Variants in CADM2 observed in about 807,000 individuals in gnomAD.
CADM2 encodes cell adhesion molecule 2.
CADM2 carries 12 observed loss-of-function variants against 49.8 expected under a neutral mutation model. That is an observed-to-expected ratio of 0.24 (90% CI 0.15 to 0.39). The LOEUF is 0.39. CADM2 is among the 10% of genes least tolerant of loss of function. CADM2 has a pLI of 1.00. For synonymous variants in CADM2, 214 were observed against 175.4 expected (o/e 1.22, Z -1.74); for missense variants, 378 against 492.3 (o/e 0.77, Z 2.20).
At chr3:85,986,364 G>A (rs916214271) in intron 8 of CADM2, among the ~76,000 whole-genome samples, 1 of 152,080 alleles carries the variant, frequency 6.6e-6, no homozygotes, top group Non-Finnish European at 1.5e-5. Context: ...ATTTGGAGTA[G>A]TAGAATATAT....
At chr3:85,248,862 A>G (rs560145231) in intron 1 of CADM2, among the ~76,000 whole-genome samples, 1 of 152,282 alleles carries the variant, frequency 6.6e-6, no homozygotes, top group African/African-American at 2.4e-5. Flanking sequence ...TACTCAGTAA[A>G]TCAGCTTTCT....
At chr3:85,124,115 G>A (rs1051180823) in intron 1 of CADM2, among the ~76,000 whole-genome samples, 10 of 152,216 alleles carry the variant, frequency 6.6e-5, no homozygotes, top group Non-Finnish European at 1.3e-4. Flanking sequence ...CTAAGTTAGG[G>A]ATCTACTTTC....
intron 1 of CADM2, among the ~76,000 whole-genome samples, chr3:85,470,295 G>C (rs947820541): frequency 6.6e-6 from 1 of 152,144 alleles, no homozygotes; most frequent in African/African-American, 2.4e-5. Flanking sequence ...TAAGGAGTTA[G>C]CAAGCAAGGG....
chr3:85,640,391 G>A (rs937787529), intron 1 of CADM2, among the ~76,000 whole-genome samples: 3 of 152,168 alleles, frequency 2.0e-5, no homozygotes, highest in African/African-American at 7.2e-5. Context: ...TTAAAAAAAT[G>A]TGGTTTTTGA....
intron 1 of CADM2, among the ~76,000 whole-genome samples, chr3:85,598,324 G>A (rs1040008613): frequency 7.5e-6 from 1 of 133,724 alleles, no homozygotes; most frequent in African/African-American, 2.5e-5. Flanking sequence ...GAAACGTGAA[G>A]AAACCCTGAA....
intron 1 of CADM2, among the ~76,000 whole-genome samples, chr3:85,033,338 G>A (rs1487287636): frequency 6.6e-6 from 1 of 152,116 alleles, no homozygotes; most frequent in Non-Finnish European, 1.5e-5. Flanking sequence ...TTTATTTTTA[G>A]GTAGCTTCTT....
chr3:85,079,737 TGAA>T (rs1484352134), intron 1 of CADM2, among the ~76,000 whole-genome samples: 1 of 151,900 alleles, frequency 6.6e-6, no homozygotes, highest in African/African-American at 2.4e-5. Flanking sequence ...AGCAATAGCT[TGAA>T]GAATAATAGT....
At chr3:84,977,712 A>G (rs2031912762) in intron 1 of CADM2, among the ~76,000 whole-genome samples, 1 of 152,054 alleles carries the variant, frequency 6.6e-6, no homozygotes, top group Admixed American at 6.6e-5. Context: ...TTCAGATATA[A>G]AACTGGAAGA....
rs186338145 is a variant in CADM2, at chr3:85,814,534, A to C, written c.238+12338A>C. Among the ~76,000 whole-genome samples, 418 of 152,258 alleles carry C rather than the reference A, an allele frequency of 2.7e-3. 1 individual carries two copies. Among genetic ancestry groups the C allele is most frequent in the African/African-American group, 9.7e-3 (403 of 41,556 alleles). ...AGAACTAAGATCAGAGCAGAACTGA[A>C]GGAGATAGAGACACAAAAACCCTTC... is the stretch of plus-strand genomic sequence containing the variant. On this transcript the variant is annotated intron_variant, in intron 3 of 9. Transcript: ENST00000383699.
intron 1 of CADM2, among the ~76,000 whole-genome samples, chr3:85,067,430 T>A (rs775950457): frequency 6.6e-6 from 1 of 152,110 alleles, no homozygotes; most frequent in Non-Finnish European, 1.5e-5. Context: ...ATTTATTTTA[T>A]TTTTGCTTGG....
intron 2 of CADM2, among the ~76,000 whole-genome samples, chr3:85,762,321 A>G (rs139015819): frequency 2.8e-3 from 421 of 152,162 alleles, no homozygotes; most frequent in African/African-American, 9.8e-3. Flanking sequence ...CATAACTCCC[A>G]GTTTGTTTGT....
At chr3:85,427,163 T>TAC (rs2036445911) in intron 1 of CADM2, among the ~76,000 whole-genome samples, 1 of 16,142 alleles carries the variant, frequency 6.2e-5, no homozygotes, top group Non-Finnish European at 4.0e-4. Context: ...ATTGGAACTA[T>TAC]ATATATATAT....
At chr3:85,710,248 A>G (rs2067076763) in intron 1 of CADM2, among the ~76,000 whole-genome samples, 1 of 152,130 alleles carries the variant, frequency 6.6e-6, no homozygotes, top group Non-Finnish European at 1.5e-5. Context: ...GGGCCTTTGC[A>G]CTGATGCTGT....
chr3:85,493,700 A>C (rs1305217298), intron 1 of CADM2, among the ~76,000 whole-genome samples: 1 of 152,124 alleles, frequency 6.6e-6, no homozygotes, highest in Admixed American at 6.5e-5. Context: ...GGATTCTGTT[A>C]CTCACCTGTT....
At chr3:85,294,171 A>G (rs1306621097) in intron 1 of CADM2, among the ~76,000 whole-genome samples, 4 of 152,276 alleles carry the variant, frequency 2.6e-5, no homozygotes, top group East Asian at 1.9e-4. Flanking sequence ...CCAAATCATG[A>G]GTGAAATCCC....
intron 7 of CADM2, among the ~76,000 whole-genome samples, chr3:85,941,259 T>C (rs1356015589): frequency 2.0e-5 from 3 of 152,110 alleles, no homozygotes; most frequent in Non-Finnish European, 4.4e-5. Context: ...AAGTCTTACT[T>C]ATATATTTAA....
At chr3:85,435,409 G>C (rs1295852817) in intron 1 of CADM2, among the ~76,000 whole-genome samples, 1 of 152,048 alleles carries the variant, frequency 6.6e-6, no homozygotes, top group Non-Finnish European at 1.5e-5. Context: ...TCTTTATCCA[G>C]TCTATCATCG....
intron 1 of CADM2, among the ~76,000 whole-genome samples, chr3:85,556,387 A>T (rs1394070867): frequency 1.3e-5 from 2 of 152,096 alleles, no homozygotes; most frequent in Non-Finnish European, 2.9e-5. Context: ...ATCCATATTT[A>T]AGTGCACCCA....
At chr3:85,944,265 C>T (rs1722353950) in intron 7 of CADM2, among the ~76,000 whole-genome samples, 1 of 152,084 alleles carries the variant, frequency 6.6e-6, no homozygotes, top group South Asian at 2.1e-4. Context: ...CACCCAGATT[C>T]ATAAAGCAAA....
Sources: allele counts gnomAD v4.1 joint callset (sites outside exome capture counted in the v4.1 genomes callset), GRCh38; gene constraint gnomAD v4.1.1; transcripts MANE v1.5; gene names NCBI Gene and HGNC (gene_info 2026-07-23, HGNC 2026-07-21).